Variants in PODN observed in about 807,000 individuals in gnomAD.
PODN encodes podocan proteoglycan.
A neutral mutation model predicts 52.7 loss-of-function variants in PODN; 40 were observed. The observed-to-expected ratio is 0.76, with a 90% CI of 0.59 to 0.99. The LOEUF (loss-of-function observed/expected upper bound fraction) is 0.99, where lower values mean the gene tolerates loss of function less well. Among genes scored for constraint, PODN ranks in the 50% least tolerant of loss-of-function variants. PODN has a pLI of 0.00. For missense variants in PODN, 720 were observed against 815.1 expected, an observed-to-expected ratio of 0.88 and a Z score of 1.42; for synonymous variants, 396 against 377.9, an observed-to-expected ratio of 1.05 and a Z score of -0.56.
At chr1:53,084,010 G>A (rs1327032964) in intron 10 of PODN, among the ~76,000 whole-genome samples, 1 of 152,186 alleles carries the variant, frequency 6.6e-6, no homozygotes, top group Admixed American at 6.5e-5. Context: ...AGAGGGAGCT[G>A]GGAGAAGGGC....
chr1:53,080,628 T>G, intron 8 of PODN, 100 bp from the exon 9 acceptor site: 2 of 1,285,714 alleles, frequency 1.6e-6, no homozygotes, highest in Non-Finnish European at 2.2e-6. Flanking sequence ...CACAGGGTTA[T>G]TGTTAGATTT....
chr1:53,075,883 CT>C lies in PODN; in HGVS notation c.494del (p.Leu165ArgfsTer5). ...NNKLTLAPRF[L>X]PNALISVDFA... is the part of the protein sequence containing the mutation. ...CCAGCTGACCTTGGCACCCCGCTTCCTGCCAAACGCCCTGATCAGTGTGGAC... is the reference window on the plus strand; with the variant it reads ...CCAGCTGACCTTGGCACCCCGCTTCCGCCAAACGCCCTGATCAGTGTGGAC... On this transcript the variant is annotated frameshift_variant, in exon 5 of 11. Transcript: ENST00000312553. LOFTEE classifies it high-confidence loss of function. The C allele has an allele frequency of 6.2e-7, 1 of 1,603,722 alleles. No individual in the cohort carries two copies. The highest frequency in any genetic ancestry group is 8.5e-7 in the Non-Finnish European group (1 of 1,174,102).
intron 1 of PODN, chr1:53,066,676 G>T: frequency 1.5e-6 from 1 of 687,884 alleles, no homozygotes; most frequent in Non-Finnish European, 2.4e-6. Context: ...TGGGCTGGGA[G>T]CTCAGCTTTG....
chr1:53,074,687 A>G lies in PODN; in HGVS notation c.471+17A>G. The G allele has an allele frequency of 6.3e-7, 1 of 1,585,914 alleles. No homozygotes were observed. Among genetic ancestry groups the G allele is most frequent in the South Asian group, 1.1e-5 (1 of 90,732 alleles). ...AATAACAAGGTGAGGGGCTTGAGGC[A>G]GGGTGGGGGGTTGCTGCCCTGTCCT... On this transcript the variant is annotated intron_variant, in intron 4 of 10. Transcript: ENST00000312553.
intron 2 of PODN, chr1:53,071,323 C>A (rs1219565514): frequency 2.4e-5 from 12 of 491,704 alleles, no homozygotes; most frequent in Non-Finnish European, 4.0e-5. Flanking sequence ...GCAGGACCCA[C>A]ACTCCTGTTG....
rs745911178 is a variant in PODN, at chr1:53,077,767, T to A, written c.821T>A (p.Leu274Gln). 6.2e-7 allele frequency: 1 copy of A among 1,613,648 alleles called. No homozygotes were observed. Among genetic ancestry groups the A allele is most frequent in the Admixed American group, 1.7e-5 (1 of 60,016 alleles). ...GAGCTATACCTGCAGAACAACTACC[T>A]GACTGACGAGGGCCTGGACAACGAG... ...LRELYLQNNY[L>Q]TDEGLDNETF... The change falls in exon 7 of 11, where the codon CTG becomes CAG. Residue 274 changes from leucine (L) to glutamine (Q), a missense_variant. Coordinates refer to ENST00000312553, the MANE Select transcript of PODN (RefSeq NM_153703.5).
Position 53,071,558 on chromosome 1 carries a change from C to A in PODN, c.336C>A (p.Tyr112Ter). The stretch of plus-strand genomic sequence containing the variant: ...AGAACAACCAGCTGGAAAAGATCTA[C>A]CCTGAGGAGCTCTCCCGGCTGCACC... Reference protein sequence around the residue: ...SLQNNQLEKIYPEELSRLHRL... With the variant: ...SLQNNQLEKI The change falls in exon 3 of 11, where the codon TAC becomes TAA. Residue 112 changes from tyrosine (Y) to a stop codon, truncating the protein, a stop_gained. Coordinates refer to ENST00000312553, the MANE Select transcript of PODN (RefSeq NM_153703.5). LOFTEE classifies it high-confidence loss of function. 1 of 1,614,012 alleles carries A rather than the reference C, an allele frequency of 6.2e-7. No homozygotes were observed. Among genetic ancestry groups the A allele is most frequent in the Non-Finnish European group, 8.5e-7 (1 of 1,179,966 alleles).
intron 4 of PODN, among the ~76,000 whole-genome samples, chr1:53,075,548 T>C (rs979415873): frequency 6.6e-6 from 1 of 152,210 alleles, no homozygotes; most frequent in Non-Finnish European, 1.5e-5. Context: ...CCATCGCTTC[T>C]TGGTCTTTTG....
chr1:53,065,927 T>G (rs1644025387), intron 1 of PODN, among the ~76,000 whole-genome samples: 2 of 151,866 alleles, frequency 1.3e-5, no homozygotes, highest in Admixed American at 6.6e-5. Context: ...AGACCAGCAC[T>G]GTCCAATAGA....
chr1:53,077,243 T>C lies in PODN; in HGVS notation c.635T>C (p.Met212Thr), dbSNP rs144565976. ...GCAGACGCCGGGCTGCCGGACAACA[T>C]GTTCAACGGCTCCAGCAACGTCGAG... is the stretch of plus-strand genomic sequence containing the variant. ...KLADAGLPDN[M>T]FNGSSNVEVL... The change falls in exon 6 of 11, where the codon ATG becomes ACG. Residue 212 changes from methionine to threonine, a missense_variant. Transcript: ENST00000312553. The C allele has an allele frequency of 1.6e-4, 251 of 1,613,438 alleles. No individual in the cohort carries two copies. In the African/African-American group the frequency reaches 3.2e-3, roughly 21 times the overall value.
chr1:53,077,828 G>T, intron 7 of PODN, 28 bp downstream of exon 7: 1 of 1,599,394 alleles, frequency 6.3e-7, no homozygotes, highest in South Asian at 1.1e-5. Context: ...CAGGTCCTTG[G>T]CGTGACCACG....
rs1374565204 is a variant in PODN, at chr1:53,078,376, G to C, written c.866G>C (p.Ser289Thr). Residue 289 changes from serine (S) to threonine (T), a missense_variant, in exon 8 of 11, where the codon AGC (serine) becomes ACC (threonine). Coordinates refer to ENST00000312553, the MANE Select transcript of PODN (RefSeq NM_153703.5). The part of the protein sequence containing the change: ...LDNETFWKLS[S>T]LEYLDLSSNN... ...CCTCCCTGCCCCAGGAAGCTCTCCAGCCTGGAGTACCTGGATCTGTCCAGC... is the reference window on the plus strand; with the variant it reads ...CCTCCCTGCCCCAGGAAGCTCTCCACCCTGGAGTACCTGGATCTGTCCAGC... 1 of 1,610,352 alleles carries C rather than the reference G, an allele frequency of 6.2e-7. No homozygotes were observed.
intron 2 of PODN, 122 bp downstream of exon 2, chr1:53,070,289 A>G (rs920039934): frequency 1.4e-6 from 2 of 1,438,364 alleles, no homozygotes; most frequent in African/African-American, 1.4e-5. Flanking sequence ...GCGGCTCTCC[A>G]CTCCCAACCA....
chr1:53,067,433 C>A (rs201322173), intron 1 of PODN, among the ~76,000 whole-genome samples: 1 of 152,174 alleles, frequency 6.6e-6, no homozygotes, highest in East Asian at 1.9e-4. Context: ...TCCACCTCAC[C>A]TGTGTCCCCA....
chr1:53,074,383 G>T (rs1423520537), intron 3 of PODN, among the ~76,000 whole-genome samples: 5 of 152,260 alleles, frequency 3.3e-5, no homozygotes, highest in African/African-American at 1.2e-4. Context: ...CGAGGAGTTA[G>T]TCTCTCAGTA....
At position 53,074,640 on chromosome 1, in the gene PODN, C is replaced by A. The variant is rs1301313961; in HGVS notation, c.441C>A (p.Asn147Lys). Reference sequence around the variant, plus strand: ...AGAAGGCGTTTGAGCATCTGACCAACCTCAATTACCTGTACTTGGCCAATA... The same window carrying A: ...AGAAGGCGTTTGAGCATCTGACCAAACTCAATTACCTGTACTTGGCCAATA... ...LPEKAFEHLTNLNYLYLANNK... is the reference protein window; with the variant it reads ...LPEKAFEHLTKLNYLYLANNK... Residue 147 changes from asparagine to lysine, a missense_variant, in exon 4 of 11, where the codon AAC becomes AAA. Transcript: ENST00000312553. 6.2e-7 allele frequency: 1 copy of A among 1,614,088 alleles called. No individual in the cohort carries two copies. Among genetic ancestry groups the A allele is most frequent in the East Asian group, 2.2e-5 (1 of 44,882 alleles).
intron 1 of PODN, chr1:53,066,892 C>T (rs1246464749): frequency 1.9e-6 from 3 of 1,542,302 alleles, no homozygotes; most frequent in South Asian, 1.2e-5. Context: ...TATGTGAGAC[C>T]AGAGCTCCTT....
At chr1:53,070,298 C>A in intron 2 of PODN, 131 bp downstream of exon 2, 1 of 1,397,296 alleles carries the variant, frequency 7.2e-7, no homozygotes, top group Non-Finnish European at 9.6e-7. Flanking sequence ...CACTCCCAAC[C>A]ACAGGGTGCT....
At chr1:53,078,220 A>T in intron 7 of PODN, 145 bp from the exon 8 acceptor site, 1 of 800,954 alleles carries the variant, frequency 1.2e-6, no homozygotes, top group South Asian at 1.7e-5. Flanking sequence ...CAACCCAAGG[A>T]GCAAGGACTG....
Sources: gnomAD v4.1 joint callset for allele counts (sites outside exome capture counted in the v4.1 genomes callset) on GRCh38, gnomAD v4.1.1 for gene constraint, MANE v1.5 for transcripts, NCBI Gene and HGNC (gene_info 2026-07-23, HGNC 2026-07-21) for gene names.